The following MRTFB variants were observed in gnomAD, a reference collection of about 807,000 sequenced individuals.
MRTFB encodes the protein myocardin-related transcription factor B.
Under a neutral mutation model 104.2 loss-of-function variants are expected in MRTFB, and 29 were observed. That is an observed-to-expected ratio of 0.28 (90% CI 0.21 to 0.38). MRTFB has a LOEUF of 0.38. MRTFB is among the 10% of genes least tolerant of loss of function. The probability of loss-of-function intolerance (pLI) is 1.00; values close to 1 mark genes in which losing one functional copy is unlikely to be tolerated. For synonymous variants in MRTFB, 535 were observed against 519.5 expected, an observed-to-expected ratio of 1.03 and a Z score of -0.41; for missense variants, 1,270 against 1,341.6, an observed-to-expected ratio of 0.95 and a Z score of 0.83.
chr16:14,004,947 G>A, the MRTFB span, among the ~76,000 whole-genome samples: 1 of 152,214 alleles, frequency 6.6e-6, no homozygotes, highest in Non-Finnish European at 1.5e-5. Context: ...CCCAGGGGCT[G>A]GGCTGCAATC....
intron 8 of MRTFB, among the ~76,000 whole-genome samples, chr16:14,224,032 T>TA (rs533506315): frequency 1.8e-4 from 28 of 152,260 alleles, no homozygotes; most frequent in African/African-American, 6.0e-4. Flanking sequence ...TCATGAAACT[T>TA]ACAGTCACAG....
At chr16:14,044,331 G>T in the MRTFB span, among the ~76,000 whole-genome samples, 2 of 152,222 alleles carry the variant, frequency 1.3e-5, no homozygotes, top group East Asian at 1.9e-4. Context: ...GGAAGACAGT[G>T]GGGTGGAAGG....
At chr16:14,022,164 T>G in the MRTFB span, among the ~76,000 whole-genome samples, 1 of 152,186 alleles carries the variant, frequency 6.6e-6, no homozygotes, top group Non-Finnish European at 1.5e-5. Context: ...TAACATCACT[T>G]ACAGGTTCCA....
chr16:14,182,631 A>G (rs1253325266), intron 3 of MRTFB, among the ~76,000 whole-genome samples: 1 of 152,228 alleles, frequency 6.6e-6, no homozygotes, highest in East Asian at 1.9e-4. Context: ...GCCTGGGAAC[A>G]GTGACACCCT....
chr16:14,217,232 G>A lies in MRTFB; in HGVS notation c.459G>A (p.Glu153=). The A allele has an allele frequency of 1.2e-6, 2 of 1,613,692 alleles. No individual in the cohort carries two copies. Among genetic ancestry groups the A allele is most frequent in the Non-Finnish European group, 8.5e-7 (1 of 1,179,808 alleles). The change falls in exon 7 of 17, where the codon GAG becomes GAA. Residue 153 remains glutamate, a synonymous_variant. Coordinates refer to ENST00000571589, the MANE Select transcript of MRTFB (RefSeq NM_001308142.2). The stretch of plus-strand genomic sequence containing the variant: ...TTGCTCAAAGACCTGGTCCTATGGA[G>A]CTGGTAGAGAAAAACATCCTTCCTG... The part of the protein sequence containing the change: ...EKIAQRPGPM[E]LVEKNILPVD...
the MRTFB span, among the ~76,000 whole-genome samples, chr16:14,008,938 T>TTTTATTTA: frequency 2.0e-5 from 3 of 148,556 alleles, no homozygotes; most frequent in African/African-American, 4.9e-5. Context: ...TTTTTTAAAA[T>TTTTATTTA]TTTATGTATT....
chr16:14,032,397 A>G, the MRTFB span, among the ~76,000 whole-genome samples: 1 of 152,200 alleles, frequency 6.6e-6, no homozygotes, highest in Non-Finnish European at 1.5e-5. Flanking sequence ...CAGAGAGGGC[A>G]TGTAAGCTCC....
the MRTFB span, among the ~76,000 whole-genome samples, chr16:14,011,940 T>C: frequency 6.6e-6 from 1 of 152,126 alleles, no homozygotes. Flanking sequence ...GGAACCCACT[T>C]GGGAATTGCC....
intron 2 of MRTFB, among the ~76,000 whole-genome samples, chr16:14,106,203 A>G (rs778055285): frequency 4.9e-4 from 75 of 152,298 alleles, no homozygotes; most frequent in Middle Eastern, 6.8e-3. Context: ...AGACACATGG[A>G]CTAGAGCAGG....
chr16:14,216,776 A>G (rs2041446387), intron 6 of MRTFB, among the ~76,000 whole-genome samples: 1 of 152,170 alleles, frequency 6.6e-6, no homozygotes. Context: ...TTCTTGAACC[A>G]TGGGCCACAT....
In MRTFB at chr16:14,247,310, G is replaced by A; in HGVS notation, c.2050G>A (p.Val684Ile). ...AKKAVVIKQE[V>I]PVGQAEQQSV... The stretch of plus-strand genomic sequence containing the variant: ...AAAGGCTGTAGTTATCAAGCAAGAG[G>A]TCCCTGTGGGCCAGGCAGAGCAGCA... Residue 684 changes from valine to isoleucine, a missense_variant, in exon 12 of 17, where the codon GTC becomes ATC. Transcript: ENST00000571589. 6.2e-7 allele frequency: 1 copy of A among 1,614,220 alleles called. No individual in the cohort carries two copies. Among genetic ancestry groups the A allele is most frequent in the Non-Finnish European group, 8.5e-7 (1 of 1,180,042 alleles).
At chr16:14,135,069 A>G (rs1158155573) in intron 2 of MRTFB, among the ~76,000 whole-genome samples, 1 of 152,182 alleles carries the variant, frequency 6.6e-6, no homozygotes, top group East Asian at 1.9e-4. Flanking sequence ...CCTGAAGTCA[A>G]ACGGCTCTCT....
intron 13 of MRTFB, 79 bp from the exon 14 acceptor site, chr16:14,251,781 CCT>C (rs1472968203): frequency 1.3e-6 from 2 of 1,504,146 alleles, no homozygotes; most frequent in African/African-American, 1.4e-5. Flanking sequence ...TTTGCTGACC[CCT>C]GTCCTAAAAC....
intron 8 of MRTFB, among the ~76,000 whole-genome samples, chr16:14,221,738 G>A (rs933165291): frequency 6.7e-6 from 1 of 149,740 alleles, no homozygotes; most frequent in African/African-American, 2.5e-5. Flanking sequence ...CGAATTGGCT[G>A]TAGTGGAGGA....
chr16:14,077,292 A>G (rs868008908), intron 1 of MRTFB, among the ~76,000 whole-genome samples: 12 of 152,322 alleles, frequency 7.9e-5, no homozygotes, highest in Middle Eastern at 3.4e-3. Flanking sequence ...AGAGTGATAT[A>G]TAATTCAACT....
At chr16:14,071,880 G>A (rs1049429908) in intron 1 of MRTFB, among the ~76,000 whole-genome samples, 11 of 152,188 alleles carry the variant, frequency 7.2e-5, no homozygotes, top group African/African-American at 2.7e-4. Context: ...GGGTGTCTGG[G>A]AGCGCCCTGA....
chr16:14,039,721 A>T, the MRTFB span, among the ~76,000 whole-genome samples: 1 of 145,998 alleles, frequency 6.8e-6, no homozygotes, highest in Non-Finnish European at 1.5e-5. Context: ...TATGTCTATT[A>T]TCTATTATTG....
At chr16:14,222,749 A>G (rs921490390) in intron 8 of MRTFB, among the ~76,000 whole-genome samples, 1 of 152,086 alleles carries the variant, frequency 6.6e-6, no homozygotes, top group East Asian at 1.9e-4. Context: ...ATGCAAATCA[A>G]AACCACAATG....
At chr16:14,127,848 A>G (rs2142373233) in intron 2 of MRTFB, among the ~76,000 whole-genome samples, 1 of 142,510 alleles carries the variant, frequency 7.0e-6, no homozygotes, top group South Asian at 2.2e-4. Context: ...GTTACTGGCC[A>G]GGTCCAAGTC....
Sources: gnomAD v4.1 joint callset for allele counts (sites outside exome capture counted in the v4.1 genomes callset) on GRCh38, gnomAD v4.1.1 for gene constraint, MANE v1.5 for transcripts, NCBI Gene and HGNC (gene_info 2026-07-23, HGNC 2026-07-21) for gene names.